GPC6: variants seen among roughly 807,000 people sequenced by gnomAD.
GPC6 encodes the protein glypican 6.
Under a neutral mutation model 55.2 loss-of-function variants are expected in GPC6, and 14 were observed. The ratio of observed to expected loss-of-function variants is 0.25; its 90% confidence interval spans 0.17 to 0.40. GPC6 has a LOEUF of 0.40. GPC6 is among the 10% of genes least tolerant of loss of function. The pLI, the probability that GPC6 is intolerant of heterozygous loss-of-function variation, is 1.00. For missense variants in GPC6, 641 were observed against 708.5 expected (o/e 0.90, Z 1.08); for synonymous variants, 278 against 259.6 (o/e 1.07, Z -0.68).
chr13:93,699,035 T>C (rs1230359453), intron 2 of GPC6, among the ~76,000 whole-genome samples: 1 of 151,974 alleles, frequency 6.6e-6, no homozygotes, highest in Non-Finnish European at 1.5e-5. Flanking sequence ...GGGAACGAAG[T>C]AGAATATCCA....
chr13:93,983,133 G>A (rs11838684), intron 3 of GPC6, among the ~76,000 whole-genome samples: 2,124 of 152,280 alleles, frequency 0.014, 59 homozygotes, highest in African/African-American at 0.049. Flanking sequence ...ATTAGCTGAT[G>A]TTCAGAAAAT....
At chr13:93,852,803 T>C in intron 3 of GPC6, among the ~76,000 whole-genome samples, 1 of 151,718 alleles carries the variant, frequency 6.6e-6, no homozygotes, top group Non-Finnish European at 1.5e-5. Context: ...TGAATGGCTA[T>C]GATCCAGTTT....
At chr13:93,961,681 G>A (rs765680111) in intron 3 of GPC6, among the ~76,000 whole-genome samples, 1 of 152,110 alleles carries the variant, frequency 6.6e-6, no homozygotes, top group South Asian at 2.1e-4. Flanking sequence ...CTTAGTAAAT[G>A]GTTTAAAGAT....
chr13:93,584,785 C>A (rs1040232687), intron 2 of GPC6, among the ~76,000 whole-genome samples: 2 of 147,598 alleles, frequency 1.4e-5, no homozygotes, highest in Non-Finnish European at 1.5e-5. Context: ...ACCTCCTGGG[C>A]TCAAACAATC....
intron 1 of GPC6, among the ~76,000 whole-genome samples, chr13:93,261,925 T>TACACACACACACAC (rs34841808): frequency 6.9e-6 from 1 of 144,518 alleles, no homozygotes; most frequent in African/African-American, 2.5e-5. Context: ...TCTCTCCCTC[T>TACACACACACACAC]ACACACACAC....
rs764321615 is a variant in GPC6 at position 94,280,252 on chromosome 13, T to G, written c.878-6097T>G. On this transcript the variant is annotated intron_variant, in intron 4 of 8. Transcript: ENST00000377047. ...GTTTAAAGCCTGTTTTTTCAGAGAC[T>G]GGGCCAGAGATAATTTTTAAAATCA... 1.0e-3 allele frequency among the ~76,000 whole-genome samples: 159 copies of G among 152,300 alleles called. 2 individuals are homozygous for G. The highest frequency in any genetic ancestry group is 1.7e-3 in the Non-Finnish European group (117 of 68,010).
At chr13:94,085,959 T>C (rs929487950) in intron 4 of GPC6, among the ~76,000 whole-genome samples, 1 of 152,212 alleles carries the variant, frequency 6.6e-6, no homozygotes, top group Non-Finnish European at 1.5e-5. Flanking sequence ...GAGTAACTTC[T>C]CCTAATGGGT....
chr13:93,617,858 TA>T (rs59785159), intron 2 of GPC6, among the ~76,000 whole-genome samples: 6,144 of 152,178 alleles, frequency 0.04, 434 homozygotes, highest in African/African-American at 0.14. Flanking sequence ...CAAAAATATG[TA>T]ATATTCTTTC....
chr13:93,550,477 A>G (rs1875085179), intron 2 of GPC6, among the ~76,000 whole-genome samples: 1 of 152,190 alleles, frequency 6.6e-6, no homozygotes, highest in South Asian at 2.1e-4. Flanking sequence ...AGCAAAATAA[A>G]AATATTGAAC....
At chr13:93,231,393 A>ACACG (rs1555336147) in intron 1 of GPC6, among the ~76,000 whole-genome samples, 1 of 24,888 alleles carries the variant, frequency 4.0e-5, no homozygotes, top group African/African-American at 1.8e-4. Flanking sequence ...ATATATATAT[A>ACACG]TATGTATATA....
In GPC6 at chr13:93,651,685, G is replaced by C. The variant is rs147298876; in HGVS notation, c.319+106264G>C. On this transcript the variant is annotated intron_variant, in intron 2 of 8. Coordinates refer to ENST00000377047, the MANE Select transcript of GPC6 (RefSeq NM_005708.5). ...TGCAGACCAGACACTGCACCTGGAG[G>C]TGAGGAGGAAGCCTGGGTCTCCAGG... Among the ~76,000 whole-genome samples the C allele has an allele frequency of 4.9e-3, 751 of 152,264 alleles. 6 individuals are homozygous for C. The highest frequency in any genetic ancestry group is 0.017 in the African/African-American group (693 of 41,558).
intron 2 of GPC6, among the ~76,000 whole-genome samples, chr13:93,563,110 C>G (rs946889221): frequency 2.0e-5 from 3 of 152,042 alleles, no homozygotes; most frequent in Admixed American, 1.3e-4. Flanking sequence ...AGTGGGTAGA[C>G]GAATTTATAC....
chr13:93,315,066 T>G (rs552229481), intron 1 of GPC6, among the ~76,000 whole-genome samples: 1 of 152,248 alleles, frequency 6.6e-6, no homozygotes, highest in East Asian at 1.9e-4. Flanking sequence ...TTTAATTTCC[T>G]AATTATTTTG....
intron 1 of GPC6, among the ~76,000 whole-genome samples, chr13:93,443,197 A>C (rs1877869082): frequency 6.6e-6 from 1 of 152,202 alleles, no homozygotes; most frequent in Admixed American, 6.5e-5. Flanking sequence ...CAATTTTAAT[A>C]ATGTGAAACT....
chr13:93,681,978 G>T (rs1881861842), intron 2 of GPC6, among the ~76,000 whole-genome samples: 2 of 151,856 alleles, frequency 1.3e-5, no homozygotes, highest in Admixed American at 6.6e-5. Context: ...TAATTGTATT[G>T]ATTTTTTTCT....
intron 4 of GPC6, among the ~76,000 whole-genome samples, chr13:94,226,753 GA>G (rs1890571748): frequency 6.6e-6 from 1 of 152,100 alleles, no homozygotes; most frequent in Non-Finnish European, 1.5e-5. Context: ...TCTCTGCTGA[GA>G]AAAACAATAA....
chr13:93,224,636 G>A (rs1385659463), upstream of GPC6, among the ~76,000 whole-genome samples: 1 of 152,130 alleles, frequency 6.6e-6, no homozygotes, highest in African/African-American at 2.4e-5. Context: ...CCTCTCTCCT[G>A]TCTGGTCAGG....
intron 1 of GPC6, among the ~76,000 whole-genome samples, chr13:93,382,922 C>G (rs1047644572): frequency 6.6e-6 from 1 of 152,150 alleles, no homozygotes; most frequent in Admixed American, 6.6e-5. Flanking sequence ...GTCCTTCACT[C>G]TCTTCTGCCC....
intron 1 of GPC6, among the ~76,000 whole-genome samples, chr13:93,305,623 G>A (rs527319094): frequency 6.6e-6 from 1 of 152,150 alleles, no homozygotes; most frequent in Admixed American, 6.5e-5. Flanking sequence ...TTTGAATATT[G>A]TTCCATCCTA....
Sources: gnomAD v4.1 joint callset for allele counts (sites outside exome capture counted in the v4.1 genomes callset) on GRCh38, gnomAD v4.1.1 for gene constraint, MANE v1.5 for transcripts, NCBI Gene and HGNC (gene_info 2026-07-23, HGNC 2026-07-21) for gene names.